The following JAK1 variants were observed in gnomAD, a reference collection of about 807,000 sequenced individuals.
JAK1 encodes the protein tyrosine-protein kinase JAK1.
In JAK1, 16 loss-of-function variants were observed where a neutral mutation model predicts 136.6. That is an observed-to-expected ratio of 0.12 (90% CI 0.08 to 0.18). The LOEUF (loss-of-function observed/expected upper bound fraction) is 0.18. JAK1 is among the 10% of genes least tolerant of loss of function. The pLI, the probability that JAK1 is intolerant of heterozygous loss-of-function variation, is 1.00. For synonymous variants in JAK1, 492 were observed against 519.5 expected, an observed-to-expected ratio of 0.95 and a Z score of 0.72; for missense variants, 859 against 1,450.1, an observed-to-expected ratio of 0.59 and a Z score of 6.62.
intron 1 of JAK1, among the ~76,000 whole-genome samples, chr1:64,961,162 C>T (rs1411562003): frequency 6.6e-6 from 1 of 152,070 alleles, no homozygotes; most frequent in Admixed American, 6.5e-5. Context: ...GTTAGATAAA[C>T]TGTCAAAAAA....
At chr1:65,042,283 T>A (rs1647140877) in intron 2 of JAK1, among the ~76,000 whole-genome samples, 21 of 152,100 alleles carry the variant, frequency 1.4e-4, no homozygotes, top group Admixed American at 1.4e-3. Context: ...ATCAGGAACT[T>A]CAGCTTCCAT....
intron 5 of JAK1, among the ~76,000 whole-genome samples, chr1:64,872,769 A>T (rs1416731419): frequency 2.0e-5 from 3 of 152,242 alleles, no homozygotes; most frequent in African/African-American, 7.2e-5. Flanking sequence ...CAGATGAATA[A>T]AAAAGCAGTT....
At chr1:64,934,327 A>G (rs1478753864) in intron 1 of JAK1, among the ~76,000 whole-genome samples, 1 of 152,206 alleles carries the variant, frequency 6.6e-6, no homozygotes, top group African/African-American at 2.4e-5. Flanking sequence ...TTAAGGCTGT[A>G]AGAACCTCTT....
chr1:65,009,714 A>G (rs894548275), intron 2 of JAK1, among the ~76,000 whole-genome samples: 1 of 152,196 alleles, frequency 6.6e-6, no homozygotes, highest in African/African-American at 2.4e-5. Flanking sequence ...CAAAGACCCT[A>G]TCAGATAAAT....
Position 64,984,614 on chromosome 1 carries a change from T to C in JAK1, c.-78+59866A>G, listed in dbSNP as rs114107307. The C allele has an allele frequency of 1.9e-3, 840 of 439,206 alleles. 5 individuals carry two copies. The highest frequency in any genetic ancestry group is 0.015 in the African/African-American group (754 of 49,486). The allele number at this position is 439,206 out of a possible 1,614,324, so 27.2% of individuals were successfully genotyped here. A position where few individuals can be genotyped will look rare whatever the true frequency, so the allele number is the denominator to read the frequency against. On this transcript the variant is annotated intron_variant, in intron 2 of 25. Transcript: ENST00000671954. The surrounding 1 kb of genome is among the most constrained non-coding windows in gnomAD (Gnocchi z 4.1). The stretch of plus-strand genomic sequence containing the variant: ...GTTGAAGGAGGCATGATTTAGACAT[T>C]GGTGGTGGTCTCCTTAGCAGGCTGG...
chr1:64,895,320 T>C (rs1644998039), intron 1 of JAK1, among the ~76,000 whole-genome samples: 1 of 152,208 alleles, frequency 6.6e-6, no homozygotes, highest in Non-Finnish European at 1.5e-5. Context: ...CATTTTCTTA[T>C]ATTTAATACA....
At chr1:64,989,324 C>CAAAT (rs60402520) in intron 2 of JAK1, 17,836 of 139,052 alleles carry the variant, frequency 0.13, 1,289 homozygotes, top group African/African-American at 0.19. Flanking sequence ...GACTCCATCT[C>CAAAT]AAATAAATAA....
intron 1 of JAK1, among the ~76,000 whole-genome samples, chr1:64,908,770 TAAAG>T (rs1645232495): frequency 6.6e-6 from 1 of 151,958 alleles, no homozygotes; most frequent in Admixed American, 6.6e-5. Context: ...CTTGTTAAAA[TAAAG>T]ATTCAGTGTA....
At chr1:64,835,547 G>A (rs1341786520) in intron 23 of JAK1, 41 bp from the exon 24 acceptor site, 3 of 1,198,144 alleles carry the variant, frequency 2.5e-6, no homozygotes, top group African/African-American at 3.1e-5. Flanking sequence ...AACTTTGCAA[G>A]TATTTACATA....
chr1:64,970,012 T>C (rs1296698227), upstream of JAK1, among the ~76,000 whole-genome samples: 2 of 151,218 alleles, frequency 1.3e-5, no homozygotes, highest in Admixed American at 6.6e-5. Context: ...GGCACATGCC[T>C]GTGGTCCCAG....
intron 2 of JAK1, among the ~76,000 whole-genome samples, chr1:65,037,616 A>G (rs1444328108): frequency 6.6e-6 from 1 of 152,164 alleles, no homozygotes; most frequent in Non-Finnish European, 1.5e-5. Context: ...CTCTAATATA[A>G]AGTAACTGTA....
Position 65,046,248 on chromosome 1 carries a change from A to T in JAK1, c.-180-1666T>A, listed in dbSNP as rs573294088. 5.9e-5 allele frequency among the ~76,000 whole-genome samples: 9 copies of T among 152,230 alleles called. No individual in the cohort carries two copies. In the East Asian group the frequency reaches 1.2e-3, roughly 20 times the overall value. On this transcript the variant is annotated intron_variant, in intron 1 of 25. Transcript: ENST00000671954. Reference sequence around the variant, plus strand: ...TAGTTTACTTTGAAAGACTTGGGGGATATGAATGAACAACAGGGTGGTATG... The same window carrying T: ...TAGTTTACTTTGAAAGACTTGGGGGTTATGAATGAACAACAGGGTGGTATG...
intron 2 of JAK1, among the ~76,000 whole-genome samples, chr1:65,036,729 T>C (rs1201559843): frequency 6.6e-6 from 1 of 152,204 alleles, no homozygotes; most frequent in African/African-American, 2.4e-5. Flanking sequence ...CTCTTTATAA[T>C]AATGAAACTT....
At chr1:65,016,350 G>C (rs1463480297) in intron 2 of JAK1, among the ~76,000 whole-genome samples, 2 of 152,192 alleles carry the variant, frequency 1.3e-5, no homozygotes, top group Admixed American at 1.3e-4. Context: ...GGCCGAGCAT[G>C]GTGGCTTATG....
intron 2 of JAK1, among the ~76,000 whole-genome samples, chr1:65,030,979 C>G (rs907134440): frequency 6.6e-6 from 1 of 151,880 alleles, no homozygotes; most frequent in Non-Finnish European, 1.5e-5. Context: ...CACGGCAACA[C>G]CCCATCTCTA....
intron 4 of JAK1, 109 bp from the exon 5 acceptor site, chr1:64,873,632 A>C: frequency 8.1e-7 from 1 of 1,227,774 alleles, no homozygotes; most frequent in Non-Finnish European, 1.2e-6. Context: ...GTGCCCTGAG[A>C]AGCAGGCAGA....
At chr1:64,877,711 T>C (rs1644695105) in intron 4 of JAK1, among the ~76,000 whole-genome samples, 1 of 152,098 alleles carries the variant, frequency 6.6e-6, no homozygotes. Flanking sequence ...TACAGAAACC[T>C]AGAGGGAAAG....
chr1:65,054,989 G>A (rs946624504), intron 1 of JAK1, among the ~76,000 whole-genome samples: 1 of 152,120 alleles, frequency 6.6e-6, no homozygotes, highest in Non-Finnish European at 1.5e-5. Context: ...GGCTTCAAGA[G>A]GGTTATTATC....
At chr1:64,931,729 T>TACAA (rs1211457038) in intron 1 of JAK1, among the ~76,000 whole-genome samples, 1 of 152,058 alleles carries the variant, frequency 6.6e-6, no homozygotes, top group Non-Finnish European at 1.5e-5. Context: ...GGTAAATTGT[T>TACAA]ACAAAATTAC....
Sources: gnomAD v4.1 joint callset for allele counts (sites outside exome capture counted in the v4.1 genomes callset) on GRCh38, gnomAD v4.1.1 for gene constraint, Gnocchi (gnomAD v3.1) non-coding constraint, MANE v1.5 for transcripts, NCBI Gene and HGNC (gene_info 2026-07-23, HGNC 2026-07-21) for gene names.